The following DIRAS2 variants were observed in gnomAD, a reference collection of about 807,000 sequenced individuals.
The protein encoded by DIRAS2 is DIRAS family GTPase 2, also known as GTP-binding protein Di-Ras2.
In DIRAS2, 5 loss-of-function variants were observed where a neutral mutation model predicts 13.9. That is an observed-to-expected ratio of 0.36 (90% confidence interval 0.19 to 0.76). DIRAS2 has a LOEUF of 0.76. Ranked by LOEUF, DIRAS2 falls within the 30% of genes least tolerant of loss-of-function variation. The pLI, the probability that DIRAS2 is intolerant of heterozygous loss-of-function variation, is 0.53. For missense variants in DIRAS2, 191 were observed against 263.0 expected (o/e 0.73, Z 1.89); for synonymous variants, 111 against 105.4 (o/e 1.05, Z -0.33).
chr9:90,634,888 A>G (rs1233158485), intron 1 of DIRAS2, among the ~76,000 whole-genome samples: 1 of 152,212 alleles, frequency 6.6e-6, no homozygotes, highest in Non-Finnish European at 1.5e-5. Context: ...GACACTGAGA[A>G]AGAGGAACCA....
chr9:90,622,071 G>A (rs1280045899), intron 1 of DIRAS2, among the ~76,000 whole-genome samples: 1 of 152,098 alleles, frequency 6.6e-6, no homozygotes, highest in Non-Finnish European at 1.5e-5. Context: ...GGGAAACATA[G>A]CAAGACACCA....
chr9:90,628,276 T>A (rs567362456), intron 1 of DIRAS2, among the ~76,000 whole-genome samples: 1 of 152,314 alleles, frequency 6.6e-6, no homozygotes, highest in African/African-American at 2.4e-5. Flanking sequence ...TGAAATGTGC[T>A]GCCCTGGATT....
intron 1 of DIRAS2, among the ~76,000 whole-genome samples, chr9:90,619,127 G>A (rs1436547281): frequency 6.6e-6 from 1 of 152,086 alleles, no homozygotes; most frequent in Non-Finnish European, 1.5e-5. Flanking sequence ...AACAGAGTGA[G>A]ACTCTGACTC....
rs1482357901 is a variant in DIRAS2 at position 90,613,204 on chromosome 9, C to T, written c.*24G>A. The T allele has an allele frequency of 1.3e-6, 2 of 1,593,906 alleles. No individual in the cohort carries two copies. Among genetic ancestry groups the T allele is most frequent in the African/African-American group, 2.7e-5 (2 of 74,568 alleles). On this transcript the variant is annotated 3_prime_UTR_variant, in exon 2 of 2. Coordinates refer to ENST00000375765, the MANE Select transcript of DIRAS2 (RefSeq NM_017594.5). The surrounding 1 kb of genome is among the most constrained non-coding windows in gnomAD (Gnocchi z 5.6). ...GGAGTGAGGTGCCGGGGACACACAG[C>T]TGCTCCTCCCGCAGGAAGGGCCTTC... is the stretch of plus-strand genomic sequence containing the variant.
At chr9:90,633,453 A>G (rs533468864) in intron 1 of DIRAS2, among the ~76,000 whole-genome samples, 1 of 152,312 alleles carries the variant, frequency 6.6e-6, no homozygotes, top group South Asian at 2.1e-4. Context: ...AATTTTCAGG[A>G]TGCAGCCCTC....
chr9:90,619,633 T>A (rs1825201456), intron 1 of DIRAS2, among the ~76,000 whole-genome samples: 1 of 152,094 alleles, frequency 6.6e-6, no homozygotes, highest in African/African-American at 2.4e-5. Context: ...TTGGAAAAAA[T>A]TCTAGCAGTT....
Position 90,610,175 on chromosome 9 carries a change from T to G in DIRAS2, c.*3053A>C, listed in dbSNP as rs964390694. 1 of 350,136 alleles carries G rather than the reference T, an allele frequency of 2.9e-6. No homozygotes were observed. Among genetic ancestry groups the G allele is most frequent in the African/African-American group, 2.1e-5 (1 of 47,662 alleles). 21.7% of individuals were successfully genotyped at this position (350,136 alleles called of 1,614,324 possible). On this transcript the variant is annotated 3_prime_UTR_variant, in exon 2 of 2. Transcript: ENST00000375765. Reference sequence around the variant, plus strand: ...CATTACAAATTTTGGGGAAAAAAATTAAGTATCACAGAGCAATTTTTAAAA... The same window carrying G: ...CATTACAAATTTTGGGGAAAAAAATGAAGTATCACAGAGCAATTTTTAAAA...
rs572451863 is a variant in DIRAS2, at chr9:90,611,896, T to G, written c.*1332A>C. ...ACCAGGCTCTACGATGGCAGAGCAA[T>G]TAAGCTGAGTGGGCTCTTCCCAGGG... is the stretch of plus-strand genomic sequence containing the variant. On this transcript the variant is annotated 3_prime_UTR_variant, in exon 2 of 2. Transcript: ENST00000375765. 6 of 152,308 alleles carry G rather than the reference T, an allele frequency of 3.9e-5. No individual in the cohort carries two copies. The highest frequency in any genetic ancestry group is 2.0e-4 in the Admixed American group (3 of 15,300). 9.4% of individuals were successfully genotyped at this position (152,308 alleles called of 1,614,324 possible). A position where few individuals can be genotyped will look rare whatever the true frequency, so the allele number is the denominator to read the frequency against.
intron 1 of DIRAS2, among the ~76,000 whole-genome samples, chr9:90,616,570 T>A (rs1017740989): frequency 1.3e-5 from 2 of 152,152 alleles, no homozygotes; most frequent in African/African-American, 4.8e-5. Flanking sequence ...TAAAGTTCAA[T>A]GTGCATTTAT....
At chr9:90,636,861 T>G (rs911631361) in intron 1 of DIRAS2, among the ~76,000 whole-genome samples, 1 of 152,220 alleles carries the variant, frequency 6.6e-6, no homozygotes, top group African/African-American at 2.4e-5. Context: ...CCCTCATAAG[T>G]TGAAAATATC....
intron 1 of DIRAS2, among the ~76,000 whole-genome samples, chr9:90,642,171 C>T (rs557384678): frequency 7.0e-4 from 107 of 152,392 alleles, no homozygotes; most frequent in African/African-American, 2.3e-3. Flanking sequence ...TGGGAAACCA[C>T]AGTCTTACAA....
Position 90,613,936 on chromosome 9 carries a change from C to A in DIRAS2, c.-36-73G>T. On this transcript the variant is annotated intron_variant, in intron 1 of 1. Transcript: ENST00000375765. This position sits in a 1 kb window ranked among gnomAD's most constrained non-coding sequence, Gnocchi z 5.6. ...AAACATTAATAAGGATAGCTCTACC[C>A]TCTTTTGATAGCTTAAAAATGGGAG... The A allele has an allele frequency of 7.4e-7, 1 of 1,348,416 alleles. No individual in the cohort carries two copies. The highest frequency in any genetic ancestry group is 1.6e-5 in the South Asian group (1 of 63,132). 83.5% of individuals were successfully genotyped at this position (1,348,416 alleles called of 1,614,324 possible). A position where few individuals can be genotyped will look rare whatever the true frequency, so the allele number is the denominator to read the frequency against.
At chr9:90,621,633 C>G (rs909392847) in intron 1 of DIRAS2, among the ~76,000 whole-genome samples, 9 of 152,218 alleles carry the variant, frequency 5.9e-5, no homozygotes, top group African/African-American at 2.2e-4. Context: ...AGTCAGTCCC[C>G]TTCATTCAGG....
intron 1 of DIRAS2, among the ~76,000 whole-genome samples, chr9:90,634,025 A>C (rs1417295101): frequency 6.6e-6 from 1 of 152,212 alleles, no homozygotes; most frequent in Non-Finnish European, 1.5e-5. Context: ...TTTAAAGAGA[A>C]GGTAACAGCT....
chr9:90,638,731 G>T (rs1425530472), intron 1 of DIRAS2, among the ~76,000 whole-genome samples: 1 of 109,914 alleles, frequency 9.1e-6, no homozygotes, highest in African/African-American at 3.6e-5. Context: ...GTACAAAAAT[G>T]GCACTGAGCT....
intron 1 of DIRAS2, among the ~76,000 whole-genome samples, chr9:90,617,903 T>C (rs531587075): frequency 1.2e-4 from 18 of 152,198 alleles, no homozygotes; most frequent in Admixed American, 6.5e-4. Context: ...ATTACAAACA[T>C]GGTTGAAAGA....
chr9:90,615,190 G>A (rs943520882), intron 1 of DIRAS2, among the ~76,000 whole-genome samples: 6 of 152,174 alleles, frequency 3.9e-5, no homozygotes, highest in African/African-American at 1.4e-4. Flanking sequence ...CCAATGGAAG[G>A]AAATGCATTT....
In DIRAS2 at chr9:90,633,372, A is replaced by G. The variant is rs1408801912; in HGVS notation, c.-37+9380T>C. Reference sequence around the variant, plus strand: ...AGGTTTCCAACTTACAGAACTGCATAGCTAGGATGAGATGATTTGCTGAGA... The same window carrying G: ...AGGTTTCCAACTTACAGAACTGCATGGCTAGGATGAGATGATTTGCTGAGA... On this transcript the variant is annotated intron_variant, in intron 1 of 1. Coordinates refer to ENST00000375765, the MANE Select transcript of DIRAS2 (RefSeq NM_017594.5). 3.9e-5 allele frequency among the ~76,000 whole-genome samples: 6 copies of G among 152,338 alleles called. No homozygotes were observed. The East Asian group carries it at 5.8e-4, about 15-fold the overall frequency.
rs1043270268 is a variant in DIRAS2 at position 90,612,292 on chromosome 9, G to T, written c.*936C>A. The T allele has an allele frequency of 1.3e-5, 2 of 152,568 alleles. No individual in the cohort carries two copies. The highest frequency in any genetic ancestry group is 2.1e-4 in the South Asian group (1 of 4,826). 9.5% of individuals were successfully genotyped at this position (152,568 alleles called of 1,614,324 possible). A position where few individuals can be genotyped will look rare whatever the true frequency, so the allele number is the denominator to read the frequency against. ...GGTTGTCTGATGGCCTTTGCTGGCT[G>T]CTACCCAGCTGGGTACAGATCGAGT... On this transcript the variant is annotated 3_prime_UTR_variant, in exon 2 of 2. Coordinates refer to ENST00000375765, the MANE Select transcript of DIRAS2 (RefSeq NM_017594.5).
Sources: allele counts gnomAD v4.1 joint callset (sites outside exome capture counted in the v4.1 genomes callset), GRCh38; gene constraint gnomAD v4.1.1; non-coding constraint Gnocchi (gnomAD v3.1); transcripts MANE v1.5; gene names NCBI Gene and HGNC (gene_info 2026-07-23, HGNC 2026-07-21).